Variants in LRMDA observed in about 807,000 individuals in gnomAD.
The protein encoded by LRMDA is leucine rich melanocyte differentiation associated.
Under a neutral mutation model 29.8 loss-of-function variants are expected in LRMDA, and 18 were observed. The observed-to-expected ratio is 0.60, with a 90% CI of 0.42 to 0.90. The LOEUF (loss-of-function observed/expected upper bound fraction) is 0.90. Ranked by LOEUF, LRMDA falls within the 40% of genes least tolerant of loss-of-function variation. LRMDA has a pLI of 0.00. For missense variants in LRMDA, 273 were observed against 273.9 expected (o/e 1.00, Z 0.02); for synonymous variants, 125 against 109.4 (o/e 1.14, Z -0.89).
intron 2 of LRMDA, among the ~76,000 whole-genome samples, chr10:75,496,469 GTTTGT>G (rs141849281): frequency 6.6e-4 from 100 of 152,166 alleles, no homozygotes; most frequent in African/African-American, 2.2e-3. Context: ...TAAATGTTTC[GTTTGT>G]TTTATGTTCA....
intron 5 of LRMDA, among the ~76,000 whole-genome samples, chr10:76,090,374 G>A (rs1849211265): frequency 6.6e-6 from 1 of 152,196 alleles, no homozygotes; most frequent in Admixed American, 6.5e-5. Flanking sequence ...CTTATGGGCA[G>A]CAGTGTAAAA....
At chr10:75,637,536 G>A (rs1474024916) in intron 2 of LRMDA, among the ~76,000 whole-genome samples, 1 of 152,088 alleles carries the variant, frequency 6.6e-6, no homozygotes, top group Non-Finnish European at 1.5e-5. Flanking sequence ...CTGTCCTCTT[G>A]GAAAACACGT....
At chr10:75,930,436 T>G (rs7070859) in intron 2 of LRMDA, among the ~76,000 whole-genome samples, 102,465 of 151,830 alleles carry the variant, frequency 0.67, 34,587 homozygotes, top group South Asian at 0.74. Context: ...AAATCTGGAC[T>G]TACTAGCTAA....
chr10:76,374,092 G>A (rs2132462091), intron 6 of LRMDA, among the ~76,000 whole-genome samples: 1 of 152,258 alleles, frequency 6.6e-6, no homozygotes, highest in South Asian at 2.1e-4. Context: ...CCCCTCCCAT[G>A]TTGACAATCA....
chr10:75,692,740 G>T (rs1038922893), intron 2 of LRMDA, among the ~76,000 whole-genome samples: 2 of 151,966 alleles, frequency 1.3e-5, no homozygotes, highest in Non-Finnish European at 2.9e-5. Flanking sequence ...ACTGTCTGAG[G>T]TTGCTGTGTT....
At chr10:76,083,914 A>G (rs1259243563) in intron 5 of LRMDA, among the ~76,000 whole-genome samples, 2 of 151,884 alleles carry the variant, frequency 1.3e-5, no homozygotes, top group African/African-American at 4.8e-5. Context: ...TTGTTTCCCA[A>G]GCTCATTTGA....
chr10:75,766,207 AT>A (rs1264869866), intron 2 of LRMDA, among the ~76,000 whole-genome samples: 2 of 152,132 alleles, frequency 1.3e-5, no homozygotes, highest in East Asian at 3.9e-4. Context: ...GTAGGAAGTG[AT>A]TTTATCTTAT....
At chr10:76,172,141 A>G (rs545523595) in intron 5 of LRMDA, among the ~76,000 whole-genome samples, 1 of 152,314 alleles carries the variant, frequency 6.6e-6, no homozygotes, top group East Asian at 1.9e-4. Flanking sequence ...CACTGTAGGA[A>G]GGCACTGGGC....
At chr10:75,783,838 C>T (rs1016137456) in intron 2 of LRMDA, among the ~76,000 whole-genome samples, 1 of 152,116 alleles carries the variant, frequency 6.6e-6, no homozygotes, top group Non-Finnish European at 1.5e-5. Flanking sequence ...CGAAATGCCC[C>T]AAACCAGCCA....
intron 6 of LRMDA, among the ~76,000 whole-genome samples, chr10:76,345,724 G>C (rs1841100880): frequency 6.6e-6 from 1 of 152,028 alleles, no homozygotes; most frequent in South Asian, 2.1e-4. Context: ...CCATGTTCAA[G>C]AATAAACAAA....
chr10:75,977,385 T>C (rs1847091935), intron 2 of LRMDA, among the ~76,000 whole-genome samples: 1 of 152,160 alleles, frequency 6.6e-6, no homozygotes, highest in South Asian at 2.1e-4. Context: ...GTGCCAGGCC[T>C]GGGAAATATG....
At chr10:76,047,077 C>A in intron 3 of LRMDA, 87 bp from the exon 4 acceptor site, 1 of 1,440,458 alleles carries the variant, frequency 6.9e-7, no homozygotes, top group Non-Finnish European at 9.7e-7. Context: ...CAGGAGCAGA[C>A]TGGACTCATC....
chr10:75,823,838 G>A (rs1844206416), intron 2 of LRMDA, among the ~76,000 whole-genome samples: 2 of 152,052 alleles, frequency 1.3e-5, no homozygotes, highest in South Asian at 4.2e-4. Context: ...TTTTGTGGCA[G>A]CATGGTTTGA....
intron 2 of LRMDA, among the ~76,000 whole-genome samples, chr10:75,442,662 G>C (rs1025886607): frequency 6.6e-6 from 1 of 152,112 alleles, no homozygotes; most frequent in Non-Finnish European, 1.5e-5. Context: ...TAGCTTTGTA[G>C]TATGTTTTGA....
chr10:76,278,895 G>A (rs1840168465), intron 5 of LRMDA, among the ~76,000 whole-genome samples: 1 of 152,184 alleles, frequency 6.6e-6, no homozygotes, highest in Admixed American at 6.5e-5. Context: ...TTGTTGCTGG[G>A]TAGAGAGAAG....
At position 75,487,255 on chromosome 10, in the gene LRMDA, C is replaced by T. The variant is rs796150203; in HGVS notation, c.131+48761C>T. Among the ~76,000 whole-genome samples the T allele has an allele frequency of 5.0e-4, 76 of 152,320 alleles. 1 individual carries two copies. Among genetic ancestry groups the T allele is most frequent in the African/African-American group, 1.8e-3 (74 of 41,564 alleles). ...ATATAGTTATTTCAAATCAGCTTTA[C>T]TTACTGAGCTTTTTCTAGTAATTGA... is the stretch of plus-strand genomic sequence containing the variant. On this transcript the variant is annotated intron_variant, in intron 2 of 6. Coordinates refer to ENST00000611255, the MANE Select transcript of LRMDA (RefSeq NM_001305581.2).
chr10:76,500,118 TC>T (rs1418269364), intron 6 of LRMDA, among the ~76,000 whole-genome samples: 1 of 75,692 alleles, frequency 1.3e-5, no homozygotes, highest in African/African-American at 3.2e-5. Flanking sequence ...AAGCAATCCT[TC>T]TGTCCCAGCC....
At chr10:75,553,984 TG>T (rs567466028) in intron 2 of LRMDA, among the ~76,000 whole-genome samples, 19 of 152,280 alleles carry the variant, frequency 1.2e-4, no homozygotes, top group African/African-American at 3.8e-4. Context: ...AAATGTTAGC[TG>T]TTTTCTTTTT....
intron 6 of LRMDA, among the ~76,000 whole-genome samples, chr10:76,424,038 G>A (rs61866892): frequency 6.6e-6 from 1 of 152,164 alleles, no homozygotes; most frequent in Admixed American, 6.5e-5. Context: ...TTGTGTTCTG[G>A]TCTTAAGGGA....
Sources: allele counts gnomAD v4.1 joint callset (sites outside exome capture counted in the v4.1 genomes callset), GRCh38; gene constraint gnomAD v4.1.1; transcripts MANE v1.5; gene names NCBI Gene and HGNC (gene_info 2026-07-23, HGNC 2026-07-21).